The following AFF1 variants were observed in gnomAD, a reference collection of about 807,000 sequenced individuals.
AFF1 encodes the protein AF4/FMR2 family member 1.
AFF1 carries 48 observed loss-of-function variants against 121.7 expected under a neutral mutation model. The observed-to-expected ratio is 0.39, with a 90% confidence interval of 0.31 to 0.50. The LOEUF is 0.50. Ranked by LOEUF, AFF1 falls within the 20% of genes least tolerant of loss-of-function variation. The probability of loss-of-function intolerance (pLI) is 0.76; values close to 1 mark genes in which losing one functional copy is unlikely to be tolerated. For missense variants in AFF1, 1,523 were observed against 1,511.7 expected (o/e 1.01, Z -0.12); for synonymous variants, 613 against 563.0 (o/e 1.09, Z -1.26).
chr4:86,936,111 T>G (rs527851101), intron 1 of AFF1: 37 of 152,324 alleles, frequency 2.4e-4, no homozygotes, highest in African/African-American at 8.2e-4. Context: ...GTTATGCAGA[T>G]CATCCCGGGA....
At chr4:87,061,103 C>G (rs1313666538) in intron 4 of AFF1, among the ~76,000 whole-genome samples, 3 of 152,148 alleles carry the variant, frequency 2.0e-5, no homozygotes, top group Non-Finnish European at 4.4e-5. Context: ...TTATGACTCA[C>G]CTGTAGTTCA....
In AFF1 at chr4:87,140,863, G is replaced by A. The variant is rs1172671152; in HGVS notation, c.*5162G>A. The A allele has an allele frequency of 5.4e-6, 1 of 185,018 alleles. No individual in the cohort carries two copies. The highest frequency in any genetic ancestry group is 2.3e-5 in the African/African-American group (1 of 42,594). The allele number at this position is 185,018 out of a possible 1,614,324, so 11.5% of individuals were successfully genotyped here. A position where few individuals can be genotyped will look rare whatever the true frequency, so the allele number is the denominator to read the frequency against. The stretch of plus-strand genomic sequence containing the variant: ...AGAGAATTATAGTTTTTTTTTAGAA[G>A]AAAAATCTGCAAAAGATCTTTCCAA... On this transcript the variant is annotated 3_prime_UTR_variant, in exon 21 of 21. Transcript: ENST00000395146.
chr4:87,120,940 C>T (rs1250549977), intron 12 of AFF1, among the ~76,000 whole-genome samples: 7 of 152,222 alleles, frequency 4.6e-5, no homozygotes, highest in African/African-American at 1.4e-4. Context: ...CTGACGGAAA[C>T]TGACTTGGCC....
At chr4:86,980,122 A>T (rs530417217) in intron 2 of AFF1, among the ~76,000 whole-genome samples, 1 of 152,102 alleles carries the variant, frequency 6.6e-6, no homozygotes, top group South Asian at 2.1e-4. Flanking sequence ...TGTTGGCCAG[A>T]CTGGTCTTGA....
intron 4 of AFF1, among the ~76,000 whole-genome samples, chr4:87,076,831 C>A (rs1401963139): frequency 6.6e-6 from 1 of 152,218 alleles, no homozygotes; most frequent in African/African-American, 2.4e-5. Context: ...TGAACGTTTT[C>A]CAGCTGAAGT....
Position 87,114,530 on chromosome 4 carries a change from C to A in AFF1, c.1697C>A (p.Ser566Tyr). Residue 566 changes from serine (S) to tyrosine (Y), a missense_variant, in exon 12 of 21, where the codon TCC becomes TAC. By Grantham distance (144) the Ser-to-Tyr change is moderately radical. Around this residue, in one of 5 missense-constraint regions of AFF1, gnomAD observed 905 missense variants for 842.5 expected, o/e 1.07. Transcript: ENST00000395146. The part of the protein sequence containing the change: ...DSATSQEHSE[S>Y]KDPPPKSSSK... ...GCCACGAGTCAGGAGCATTCTGAAT[C>A]CAAAGATCCTCCCCCTAAAAGCTCC... 6.2e-7 allele frequency: 1 copy of A among 1,612,828 alleles called. No individual in the cohort carries two copies. The highest frequency in any genetic ancestry group is 1.7e-5 in the Admixed American group (1 of 59,922).
intron 2 of AFF1, chr4:86,950,098 G>A: frequency 1.5e-5 from 24 of 1,613,916 alleles, no homozygotes; most frequent in Non-Finnish European, 2.0e-5. Flanking sequence ...AGTAGTAGGT[G>A]CAGTTCTGAA....
chr4:87,090,067 A>G lies in AFF1; in HGVS notation c.1188A>G (p.Thr396=). ...TAEPSKFPFP[T]KDSQHVSSVT... is the part of the protein sequence containing the mutation. Reference sequence around the variant, plus strand: ...AGCCATCCAAGTTTCCTTTCCCTACAAAGGTAATTCCTTAAAAGTATGGCA... The same window carrying G: ...AGCCATCCAAGTTTCCTTTCCCTACGAAGGTAATTCCTTAAAAGTATGGCA... The change falls in exon 6 of 21, where the codon ACA becomes ACG. Residue 396 remains threonine, a synonymous_variant. Transcript: ENST00000395146. 3.7e-6 allele frequency: 6 copies of G among 1,613,026 alleles called. No homozygotes were observed. The highest frequency in any genetic ancestry group is 5.1e-6 in the Non-Finnish European group (6 of 1,179,058).
In AFF1 at chr4:86,995,457, G is replaced by A. The variant is rs537690079; in HGVS notation, c.38+46886G>A. Among the ~76,000 whole-genome samples, 36 of 151,086 alleles carry A rather than the reference G, an allele frequency of 2.4e-4. No homozygotes were observed. In the East Asian group the frequency reaches 6.3e-3, roughly 26 times the overall value. ...CTGCCGAGTGCCTGCGATTGCAGGC[G>A]CGCGCCGCCACGCCTGACTGGTTTT... On this transcript the variant is annotated intron_variant, in intron 2 of 20. Transcript: ENST00000395146.
rs1167310690 is a variant in AFF1, at chr4:86,960,448, CTTTATTCCTGTGCAG to C, written c.38+11879_38+11893del. 3.9e-5 allele frequency among the ~76,000 whole-genome samples: 6 copies of C among 152,310 alleles called. No individual in the cohort carries two copies. The East Asian group carries it at 1.2e-3, about 29-fold the overall frequency. On this transcript the variant is annotated intron_variant, in intron 2 of 20. Transcript: ENST00000395146. ...CCACCCGACATCAGGAGGAAAACTCCTTTATTCCTGTGCAGTGTAGAAAAAGGTCCGTTTTTAAGT... is the reference window on the plus strand; with the variant it reads ...CCACCCGACATCAGGAGGAAAACTCCTGTAGAAAAAGGTCCGTTTTTAAGT...
chr4:87,089,880 G>T (rs1044231952), intron 5 of AFF1, 104 bp from the exon 6 acceptor site: 92 of 683,836 alleles, frequency 1.3e-4, no homozygotes, highest in East Asian at 2.2e-4. Flanking sequence ...GATTGTACTT[G>T]CCATTTATGA....
At chr4:87,059,120 TC>T (rs1720464279) in intron 4 of AFF1, among the ~76,000 whole-genome samples, 1 of 152,238 alleles carries the variant, frequency 6.6e-6, no homozygotes. Context: ...CCTGGTGACC[TC>T]ATTTGCACTT....
At chr4:87,035,562 A>AG (rs1424320431) in intron 2 of AFF1, among the ~76,000 whole-genome samples, 4 of 104,276 alleles carry the variant, frequency 3.8e-5, no homozygotes, top group East Asian at 2.8e-4. Context: ...CTCCGTCCCA[A>AG]GGAAAAAAAA....
At position 87,062,367 on chromosome 4, in the gene AFF1, T is replaced by A. The variant is rs141824357; in HGVS notation, c.1059+14773T>A. On this transcript the variant is annotated intron_variant, in intron 4 of 20. Coordinates refer to ENST00000395146, the MANE Select transcript of AFF1 (RefSeq NM_001166693.3). ...CCCTCAAACCCCTTTATACAGGCAC[T>A]GATCCCATCCATGAGGGCAGCGAGC... Among the ~76,000 whole-genome samples, 5 of 152,218 alleles carry A rather than the reference T, an allele frequency of 3.3e-5. No individual in the cohort carries two copies. In the South Asian group the frequency reaches 1.0e-3, roughly 32 times the overall value.
intron 2 of AFF1, among the ~76,000 whole-genome samples, chr4:87,041,825 G>A (rs1016963942): frequency 6.6e-6 from 1 of 152,056 alleles, no homozygotes; most frequent in African/African-American, 2.4e-5. Flanking sequence ...GACCCGTGTG[G>A]CCAACTTGGT....
chr4:87,077,451 A>G (rs552643843), intron 4 of AFF1, among the ~76,000 whole-genome samples: 2 of 152,332 alleles, frequency 1.3e-5, no homozygotes, highest in East Asian at 3.9e-4. Flanking sequence ...TACTTCGAGA[A>G]CAGGCTTTTG....
intron 11 of AFF1, among the ~76,000 whole-genome samples, chr4:87,112,164 A>T (rs1005917876): frequency 6.6e-6 from 1 of 152,210 alleles, no homozygotes. Flanking sequence ...TTAACCACTT[A>T]TGTAACCACA....
intron 2 of AFF1, among the ~76,000 whole-genome samples, chr4:86,996,193 TCTGC>T (rs1406353414): frequency 1.3e-5 from 2 of 152,274 alleles, no homozygotes; most frequent in African/African-American, 4.8e-5. Context: ...GAGGAGCCCC[TCTGC>T]CTGGCCACCA....
At chr4:86,970,750 G>C (rs1406159864) in intron 2 of AFF1, among the ~76,000 whole-genome samples, 1 of 152,204 alleles carries the variant, frequency 6.6e-6, no homozygotes, top group Non-Finnish European at 1.5e-5. Flanking sequence ...TGTTCGAGCA[G>C]AGACCTGAGG....
Sources: gnomAD v4.1 joint callset for allele counts (sites outside exome capture counted in the v4.1 genomes callset) on GRCh38, gnomAD v4.1.1 for gene constraint, gnomAD v4.1.1 regional missense constraint, MANE v1.5 for transcripts, NCBI Gene and HGNC (gene_info 2026-07-23, HGNC 2026-07-21) for gene names.